Variants in PTPRG observed in about 807,000 individuals in gnomAD.
PTPRG encodes the protein protein tyrosine phosphatase receptor type G, also known as receptor-type tyrosine-protein phosphatase gamma.
Under a neutral mutation model 165.3 loss-of-function variants are expected in PTPRG, and 102 were observed. The ratio of observed to expected loss-of-function variants is 0.62; its 90% CI spans 0.53 to 0.73. The LOEUF is 0.73. Ranked by LOEUF, PTPRG falls within the 30% of genes least tolerant of loss-of-function variation. The probability of loss-of-function intolerance (pLI) is 0.00; values close to 1 mark genes in which losing one functional copy is unlikely to be tolerated. For synonymous variants in PTPRG, 675 were observed against 669.5 expected, an observed-to-expected ratio of 1.01 and a Z score of -0.13; for missense variants, 1,866 against 1,861.4, an observed-to-expected ratio of 1.00 and a Z score of -0.05.
intron 1 of PTPRG, among the ~76,000 whole-genome samples, chr3:61,685,159 T>G (rs1214022118): frequency 6.6e-6 from 1 of 152,202 alleles, no homozygotes; most frequent in Non-Finnish European, 1.5e-5. Flanking sequence ...TTTAAAAAAT[T>G]GGGCAATGTG....
chr3:61,694,860 TTCTC>T (rs1305750688), intron 1 of PTPRG, among the ~76,000 whole-genome samples: 2 of 152,012 alleles, frequency 1.3e-5, no homozygotes, highest in East Asian at 1.9e-4. Flanking sequence ...TTCATTCTCA[TTCTC>T]TCTCTCTCAC....
intron 2 of PTPRG, among the ~76,000 whole-genome samples, chr3:61,863,031 A>G (rs1242868709): frequency 1.4e-5 from 2 of 147,668 alleles, no homozygotes; most frequent in Non-Finnish European, 3.0e-5. Context: ...GGCGAACTGT[A>G]AGACCTGGCA....
In PTPRG at chr3:62,287,858, T is replaced by C. The variant is rs374278794; in HGVS notation, c.4056-4563T>C. The stretch of plus-strand genomic sequence containing the variant: ...AACACAAATGGTTTATTTATATACA[T>C]AGGCCATAAATGGAATTTCAATACA... On this transcript the variant is annotated intron_variant, in intron 28 of 29. Coordinates refer to ENST00000474889, the MANE Select transcript of PTPRG (RefSeq NM_002841.4). 3.9e-5 allele frequency among the ~76,000 whole-genome samples: 6 copies of C among 152,112 alleles called. No individual in the cohort carries two copies. In the East Asian group the frequency reaches 1.2e-3, roughly 29 times the overall value.
intron 5 of PTPRG, among the ~76,000 whole-genome samples, chr3:62,119,344 A>G (rs1374736811): frequency 1.3e-5 from 2 of 152,242 alleles, no homozygotes; most frequent in African/African-American, 4.8e-5. Context: ...GGGCCAGGGA[A>G]GGCCTCCCAT....
chr3:62,059,023 A>G (rs961972321), intron 4 of PTPRG, among the ~76,000 whole-genome samples: 3 of 152,220 alleles, frequency 2.0e-5, no homozygotes, highest in Non-Finnish European at 4.4e-5. Flanking sequence ...CTGATGAAGC[A>G]TCAGCCCCAG....
chr3:61,916,269 G>T (rs1427618387), intron 2 of PTPRG, among the ~76,000 whole-genome samples: 1 of 152,190 alleles, frequency 6.6e-6, no homozygotes, highest in Non-Finnish European at 1.5e-5. Context: ...TTGGGTGTGT[G>T]TGTGTATAGA....
At chr3:61,776,737 A>G (rs1324913159) in intron 2 of PTPRG, among the ~76,000 whole-genome samples, 1 of 152,026 alleles carries the variant, frequency 6.6e-6, no homozygotes, top group Non-Finnish European at 1.5e-5. Flanking sequence ...CTCCATCTGA[A>G]TGCTAATTTG....
intron 14 of PTPRG, among the ~76,000 whole-genome samples, chr3:62,242,209 G>A (rs1453269497): frequency 6.6e-6 from 1 of 152,188 alleles, no homozygotes; most frequent in Non-Finnish European, 1.5e-5. Flanking sequence ...TATCCATGTA[G>A]CTTAAGTCTG....
chr3:62,238,838 C>A (rs1701090676), intron 14 of PTPRG, among the ~76,000 whole-genome samples: 2 of 152,114 alleles, frequency 1.3e-5, no homozygotes, highest in Non-Finnish European at 2.9e-5. Flanking sequence ...TTAAGGCATA[C>A]CTAAATCAGA....
chr3:61,856,393 T>C (rs761543630), intron 2 of PTPRG, among the ~76,000 whole-genome samples: 1 of 152,178 alleles, frequency 6.6e-6, no homozygotes. Flanking sequence ...ACAAAATTTA[T>C]ATTTTAAGCT....
At chr3:61,951,097 T>TA (rs2039889641) in intron 2 of PTPRG, among the ~76,000 whole-genome samples, 1 of 152,236 alleles carries the variant, frequency 6.6e-6, no homozygotes, top group Non-Finnish European at 1.5e-5. Context: ...TTAAAGACAG[T>TA]AAGTCATTCA....
At chr3:62,150,035 C>T (rs1704271302) in intron 6 of PTPRG, among the ~76,000 whole-genome samples, 1 of 152,258 alleles carries the variant, frequency 6.6e-6, no homozygotes, top group Non-Finnish European at 1.5e-5. Context: ...CAGTTCCTCA[C>T]TGCCTTCAGG....
chr3:62,215,893 T>C (rs1700490251), intron 12 of PTPRG, among the ~76,000 whole-genome samples: 1 of 152,136 alleles, frequency 6.6e-6, no homozygotes, highest in African/African-American at 2.4e-5. Flanking sequence ...GCCGAGAAAT[T>C]CTGGAGTGGT....
At chr3:61,680,601 C>CA (rs36102855) in intron 1 of PTPRG, among the ~76,000 whole-genome samples, 72 of 140,636 alleles carry the variant, frequency 5.1e-4, no homozygotes, top group African/African-American at 1.6e-3. Flanking sequence ...TTCTGTCCTT[C>CA]AAAAAAAAAA....
intron 6 of PTPRG, among the ~76,000 whole-genome samples, chr3:62,150,004 T>A (rs987656522): frequency 1.3e-5 from 2 of 152,198 alleles, no homozygotes; most frequent in Non-Finnish European, 2.9e-5. Flanking sequence ...AGTGTTCTTC[T>A]CCCCATGTAG....
chr3:62,189,189 T>C (rs1253975602), intron 8 of PTPRG, among the ~76,000 whole-genome samples: 1 of 152,022 alleles, frequency 6.6e-6, no homozygotes, highest in Non-Finnish European at 1.5e-5. Flanking sequence ...ATTTATCCCT[T>C]CCTCCCTCCC....
chr3:61,645,545 A>G (rs1702175909), intron 1 of PTPRG, among the ~76,000 whole-genome samples: 1 of 152,222 alleles, frequency 6.6e-6, no homozygotes, highest in African/African-American at 2.4e-5. Context: ...AGTTGCTACA[A>G]CATCCTGTTG....
At chr3:62,117,124 G>T (rs1702895366) in intron 5 of PTPRG, among the ~76,000 whole-genome samples, 1 of 152,084 alleles carries the variant, frequency 6.6e-6, no homozygotes, top group African/African-American at 2.4e-5. Context: ...ATTAGAACCT[G>T]GTGACCCAAT....
At chr3:62,257,972 A>C (rs1701582576) in intron 16 of PTPRG, among the ~76,000 whole-genome samples, 1 of 152,030 alleles carries the variant, frequency 6.6e-6, no homozygotes, top group Non-Finnish European at 1.5e-5. Flanking sequence ...TCAGGAAAAA[A>C]CACCAAAAAG....
Sources: allele counts gnomAD v4.1 joint callset (sites outside exome capture counted in the v4.1 genomes callset), GRCh38; gene constraint gnomAD v4.1.1; transcripts MANE v1.5; gene names NCBI Gene and HGNC (gene_info 2026-07-23, HGNC 2026-07-21).